The following AP1M1 variants were observed in gnomAD, a reference collection of about 807,000 sequenced individuals.
AP1M1 encodes adaptor related protein complex 1 subunit mu 1.
A neutral mutation model predicts 57.1 loss-of-function variants in AP1M1; 18 were observed. The observed-to-expected ratio is 0.32, with a 90% CI of 0.22 to 0.47. AP1M1 has a LOEUF of 0.47. Ranked by LOEUF, AP1M1 falls within the 20% of genes least tolerant of loss-of-function variation. The probability of loss-of-function intolerance (pLI) is 1.00; values close to 1 mark genes in which losing one functional copy is unlikely to be tolerated. For synonymous variants in AP1M1, 241 were observed against 237.9 expected, an observed-to-expected ratio of 1.01 and a Z score of -0.12; for missense variants, 362 against 593.5, an observed-to-expected ratio of 0.61 and a Z score of 4.05.
rs2091570986 is a variant in AP1M1, at chr19:16,226,324, CG to C, written c.547-96del. 6.3e-6 allele frequency: 9 copies of C among 1,438,142 alleles called. No homozygotes were observed. In the South Asian group the frequency reaches 1.1e-4, roughly 18 times the overall value. 89.1% of individuals were successfully genotyped at this position (1,438,142 alleles called of 1,614,324 possible). Reference sequence around the variant, plus strand: ...GGGATGGGCTTGGAGGTGAGAAGGGCGTTGAGAGTGGGGTGGCCAGAGGGTC... The same window carrying C: ...GGGATGGGCTTGGAGGTGAGAAGGGCTTGAGAGTGGGGTGGCCAGAGGGTC... On this transcript the variant is annotated intron_variant, in intron 5 of 11. Transcript: ENST00000291439.
chr19:16,218,828 C>T (rs555799642), intron 5 of AP1M1, among the ~76,000 whole-genome samples: 3 of 152,292 alleles, frequency 2.0e-5, no homozygotes, highest in South Asian at 4.1e-4. Context: ...CAGGAACCTC[C>T]ACGTGTTCAG....
chr19:16,226,962 A>G (rs2145136736), intron 6 of AP1M1, among the ~76,000 whole-genome samples: 1 of 152,312 alleles, frequency 6.6e-6, no homozygotes, highest in Middle Eastern at 3.4e-3. Context: ...CACTTCCCAC[A>G]GCAGGGCGGG....
chr19:16,233,184 G>T (rs2091606602), intron 9 of AP1M1, among the ~76,000 whole-genome samples: 1 of 152,234 alleles, frequency 6.6e-6, no homozygotes, highest in Non-Finnish European at 1.5e-5. Context: ...TAGGGGAGCT[G>T]GGCGGGGGGT....
chr19:16,243,432 C>CTTTTTTTTTTTTTTTTTTTT lies in AP1M1; in HGVS notation c.*8998_*8999insTTTTTTTTTTTTTTTTTTTT, dbSNP rs550578052. On this transcript the variant is annotated 3_prime_UTR_variant, in exon 12 of 12. Transcript: ENST00000291439. ...TACAGGTGAGCACCACCAAGCTCAGCTATTTTTTTTTTTTTTTTGTATTTT... is the reference window on the plus strand; with the variant it reads ...TACAGGTGAGCACCACCAAGCTCAGCTTTTTTTTTTTTTTTTTTTTTATTTTTTTTTTTTTTTTGTATTTT... The CTTTTTTTTTTTTTTTTTTTT allele has an allele frequency of 2.4e-5, 3 of 124,264 alleles. 1 individual carries two copies. Among genetic ancestry groups the CTTTTTTTTTTTTTTTTTTTT allele is most frequent in the Non-Finnish European group, 3.3e-5 (2 of 60,832 alleles). 7.7% of individuals were successfully genotyped at this position (124,264 alleles called of 1,614,324 possible). A position where few individuals can be genotyped will look rare whatever the true frequency, so the allele number is the denominator to read the frequency against.
At chr19:16,216,338 G>A (rs2091518947) in intron 5 of AP1M1, among the ~76,000 whole-genome samples, 1 of 152,084 alleles carries the variant, frequency 6.6e-6, no homozygotes, top group African/African-American at 2.4e-5. Flanking sequence ...CCAGCTACTT[G>A]GGAGGCTGAG....
chr19:16,208,957 G>A (rs1032108651), intron 4 of AP1M1, 73 bp from the exon 5 acceptor site: 16 of 1,544,992 alleles, frequency 1.0e-5, no homozygotes, highest in South Asian at 8.4e-5. Flanking sequence ...CAACCCTGCC[G>A]AAATGTCAAG....
intron 5 of AP1M1, among the ~76,000 whole-genome samples, chr19:16,224,689 G>A (rs1599463552): frequency 1.3e-5 from 2 of 152,188 alleles, no homozygotes; most frequent in African/African-American, 4.8e-5. Flanking sequence ...CGGCATTCAC[G>A]ACCTCATGTG....
chr19:16,231,158 G>A (rs1300676080), intron 9 of AP1M1, among the ~76,000 whole-genome samples: 1 of 151,530 alleles, frequency 6.6e-6, no homozygotes, highest in Non-Finnish European at 1.5e-5. Flanking sequence ...TGTGGTGGTG[G>A]GTGCCTGTAG....
intron 5 of AP1M1, among the ~76,000 whole-genome samples, chr19:16,218,242 A>C (rs56261431): frequency 0.059 from 9,045 of 152,304 alleles, 520 homozygotes; most frequent in East Asian, 0.32. Context: ...AGTTCTGTTT[A>C]TCACCACCAG....
In AP1M1 at chr19:16,238,884, C is replaced by CCTTTTTGTAGTTCTTAATATA; in HGVS notation, c.*4462_*4482dup. On this transcript the variant is annotated 3_prime_UTR_variant, in exon 12 of 12. Transcript: ENST00000291439. ...ACAGGCATGAGCCACAGTGCCCAGCCCTTTTTGTAGTTCTTAATATACTTT... is the reference window on the plus strand; with the variant it reads ...ACAGGCATGAGCCACAGTGCCCAGCCCTTTTTGTAGTTCTTAATATACTTTTTGTAGTTCTTAATATACTTT... The CCTTTTTGTAGTTCTTAATATA allele has an allele frequency of 6.6e-6, 1 of 150,970 alleles. No individual in the cohort carries two copies. The highest frequency in any genetic ancestry group is 2.1e-4 in the South Asian group (1 of 4,780). The allele number at this position is 150,970 out of a possible 1,614,324, so 9.4% of individuals were successfully genotyped here. A position where few individuals can be genotyped will look rare whatever the true frequency, so the allele number is the denominator to read the frequency against.
chr19:16,201,899 T>C (rs910115085), intron 1 of AP1M1, among the ~76,000 whole-genome samples: 1 of 152,102 alleles, frequency 6.6e-6, no homozygotes. Context: ...CGCTGGTCCT[T>C]GGGAGCCATG....
intron 5 of AP1M1, among the ~76,000 whole-genome samples, chr19:16,214,540 T>C (rs1159386179): frequency 6.6e-6 from 1 of 151,152 alleles, no homozygotes; most frequent in African/African-American, 2.4e-5. Flanking sequence ...TTAGTAGATA[T>C]GGAGTTACAC....
chr19:16,228,022 C>A lies in AP1M1; in HGVS notation c.817-115C>A. 1.8e-6 allele frequency: 2 copies of A among 1,123,764 alleles called. No homozygotes were observed. Among genetic ancestry groups the A allele is most frequent in the Non-Finnish European group, 2.6e-6 (2 of 765,988 alleles). 69.6% of individuals were successfully genotyped at this position (1,123,764 alleles called of 1,614,324 possible). On this transcript the variant is annotated intron_variant, in intron 7 of 11. Transcript: ENST00000291439. This position sits in a 1 kb window ranked among gnomAD's most constrained non-coding sequence, Gnocchi z 5.0. ...CGCTGGCTGTACGCTCCCTGCAGGG[C>A]TCTGGGCCCACACCTGGGCAGATGG...
intron 9 of AP1M1, among the ~76,000 whole-genome samples, chr19:16,229,311 C>G (rs914883429): frequency 6.6e-6 from 1 of 152,246 alleles, no homozygotes; most frequent in Non-Finnish European, 1.5e-5. Context: ...TCAGCCTTGC[C>G]TGCCATCAAG....
chr19:16,226,576 A>G (rs1015628722), intron 6 of AP1M1, 29 bp downstream of exon 6: 15 of 1,560,164 alleles, frequency 9.6e-6, no homozygotes, highest in Admixed American at 3.5e-5. Flanking sequence ...GGCCCTGCCC[A>G]TGAGGATGGC....
Position 16,228,331 on chromosome 19 carries a change from G to A in AP1M1, c.888+123G>A. ...GTGCACCCTCACTGTGGCCTCAGATGCAGGAGTGACCTGACACTGAGGGGA... is the reference window on the plus strand; with the variant it reads ...GTGCACCCTCACTGTGGCCTCAGATACAGGAGTGACCTGACACTGAGGGGA... On this transcript the variant is annotated intron_variant, in intron 8 of 11. Transcript: ENST00000291439. The surrounding 1 kb of genome is among the most constrained non-coding windows in gnomAD (Gnocchi z 5.0). 9.8e-7 allele frequency: 1 copy of A among 1,015,506 alleles called. No individual in the cohort carries two copies. Among genetic ancestry groups the A allele is most frequent in the Non-Finnish European group, 1.5e-6 (1 of 673,880 alleles). The allele number at this position is 1,015,506 out of a possible 1,614,324, so 62.9% of individuals were successfully genotyped here. A position where few individuals can be genotyped will look rare whatever the true frequency, so the allele number is the denominator to read the frequency against.
Position 16,242,535 on chromosome 19 carries a change from T to G in AP1M1, c.*8100T>G, listed in dbSNP as rs183133188. The G allele has an allele frequency of 2.6e-5, 4 of 152,180 alleles. No homozygotes were observed. Among genetic ancestry groups the G allele is most frequent in the Admixed American group, 6.5e-5 (1 of 15,268 alleles). The allele number at this position is 152,180 out of a possible 1,614,324, so 9.4% of individuals were successfully genotyped here. A position where few individuals can be genotyped will look rare whatever the true frequency, so the allele number is the denominator to read the frequency against. On this transcript the variant is annotated 3_prime_UTR_variant, in exon 12 of 12. Coordinates refer to ENST00000291439, the MANE Select transcript of AP1M1 (RefSeq NM_032493.4). Reference sequence around the variant, plus strand: ...GCTGCTAGTTGAAGATGTTGTCGGATTGAACTGAAATACAAAATCCTGTGA... The same window carrying G: ...GCTGCTAGTTGAAGATGTTGTCGGAGTGAACTGAAATACAAAATCCTGTGA...
At position 16,203,168 on chromosome 19, in the gene AP1M1, G is replaced by T. The variant is rs2091455653; in HGVS notation, c.43-291G>T. 2.3e-6 allele frequency: 1 copy of T among 426,398 alleles called. No individual in the cohort carries two copies. Among genetic ancestry groups the T allele is most frequent in the Non-Finnish European group, 4.3e-6 (1 of 231,336 alleles). 26.4% of individuals were successfully genotyped at this position (426,398 alleles called of 1,614,324 possible). On this transcript the variant is annotated intron_variant, in intron 1 of 11. Transcript: ENST00000291439. This position sits in a 1 kb window ranked among gnomAD's most constrained non-coding sequence, Gnocchi z 4.6. ...GAGCTTGTGAGGCATTGCTTAACCT[G>T]ATGTCTCTGGGTGATTCAGTCCTGG...
At chr19:16,215,214 A>AGGGGGGGGGGGGGGGGGGGGGGGGG (rs1262651842) in intron 5 of AP1M1, among the ~76,000 whole-genome samples, 1 of 2,574 alleles carries the variant, frequency 3.9e-4, no homozygotes, top group South Asian at 0.026. Context: ...GGGGGGGGAG[A>AGGGGGGGGGGGGGGGGGGGGGGGGG]GGGGGGAGGG....
Sources: gnomAD v4.1 joint callset for allele counts (sites outside exome capture counted in the v4.1 genomes callset) on GRCh38, gnomAD v4.1.1 for gene constraint, Gnocchi (gnomAD v3.1) non-coding constraint, MANE v1.5 for transcripts, NCBI Gene and HGNC (gene_info 2026-07-23, HGNC 2026-07-21) for gene names.